HDLBP: variants seen among roughly 807,000 people sequenced by gnomAD.
HDLBP encodes the protein high density lipoprotein binding protein, also known as vigilin.
HDLBP carries 30 observed loss-of-function variants against 137.3 expected under a neutral mutation model. That is an observed-to-expected ratio of 0.22 (90% CI 0.16 to 0.30). The LOEUF (loss-of-function observed/expected upper bound fraction) is 0.30. Among genes scored for constraint, HDLBP ranks in the 10% least tolerant of loss-of-function variants. HDLBP has a pLI of 1.00. For missense variants in HDLBP, 1,119 were observed against 1,667.3 expected (o/e 0.67, Z 5.73); for synonymous variants, 606 against 596.0 (o/e 1.02, Z -0.24).
chr2:241,251,614 G>A (rs749115798), intron 11 of HDLBP, among the ~76,000 whole-genome samples: 3 of 152,218 alleles, frequency 2.0e-5, no homozygotes, highest in African/African-American at 4.8e-5. Context: ...CACACGCGAC[G>A]TGTGCACTTG....
At chr2:241,270,635 G>A (rs188345434) in intron 1 of HDLBP, among the ~76,000 whole-genome samples, 421 of 152,250 alleles carry the variant, frequency 2.8e-3, no homozygotes, top group Non-Finnish European at 4.7e-3. Context: ...GCACAGCCCA[G>A]GGGTCCACCT....
In HDLBP at chr2:241,230,030, C is replaced by G; in HGVS notation, c.3592-69G>C. On this transcript the variant is annotated intron_variant, in intron 26 of 27. Coordinates refer to ENST00000310931, the MANE Select transcript of HDLBP (RefSeq NM_005336.6). The surrounding 1 kb of genome is among the most constrained non-coding windows in gnomAD (Gnocchi z 5.0). The stretch of plus-strand genomic sequence containing the variant: ...CCCCAGCATCCCGCCCGCCTGCTCA[C>G]CCCTGCACCTCGCCTGCCTCTGGAA... The G allele has an allele frequency of 6.3e-7, 1 of 1,579,368 alleles. No homozygotes were observed. Among genetic ancestry groups the G allele is most frequent in the Non-Finnish European group, 8.6e-7 (1 of 1,160,020 alleles).
intron 1 of HDLBP, among the ~76,000 whole-genome samples, chr2:241,291,177 C>T (rs543490291): frequency 6.6e-6 from 1 of 152,268 alleles, no homozygotes; most frequent in South Asian, 2.1e-4. Context: ...AATAGGTAAG[C>T]GAGTTAATAT....
intron 1 of HDLBP, among the ~76,000 whole-genome samples, chr2:241,281,497 G>T (rs1166481846): frequency 2.0e-5 from 3 of 152,182 alleles, no homozygotes; most frequent in Non-Finnish European, 4.4e-5. Context: ...CTCCAGCCTG[G>T]CTGACCAAGT....
intron 20 of HDLBP, among the ~76,000 whole-genome samples, chr2:241,236,996 G>A (rs1416374148): frequency 1.6e-5 from 2 of 126,164 alleles, no homozygotes; most frequent in African/African-American, 3.1e-5. Flanking sequence ...GGGGGGGGGC[G>A]GCAATGAAGG....
chr2:241,294,904 C>T (rs774504433), intron 1 of HDLBP, among the ~76,000 whole-genome samples: 4 of 152,108 alleles, frequency 2.6e-5, no homozygotes, highest in Non-Finnish European at 4.4e-5. Context: ...AGTTCAAGAC[C>T]AGCCTGGTCA....
chr2:241,273,282 G>A (rs1346454611), intron 1 of HDLBP: 2 of 962,796 alleles, frequency 2.1e-6, no homozygotes, highest in Non-Finnish European at 1.2e-6. Context: ...TCATTCCTGC[G>A]TGCCTATTCC....
At chr2:241,301,358 T>G (rs1230218470) in intron 1 of HDLBP, among the ~76,000 whole-genome samples, 3 of 152,146 alleles carry the variant, frequency 2.0e-5, no homozygotes, top group Non-Finnish European at 2.9e-5. Flanking sequence ...GTTTAAAAAG[T>G]AAATATAATT....
At chr2:241,253,975 C>T (rs776891226) in intron 9 of HDLBP, among the ~76,000 whole-genome samples, 11 of 152,134 alleles carry the variant, frequency 7.2e-5, no homozygotes, top group Non-Finnish European at 1.3e-4. Context: ...CAGACTGGTC[C>T]TTATATGAAG....
intron 5 of HDLBP, among the ~76,000 whole-genome samples, chr2:241,261,825 T>C (rs553608764): frequency 6.6e-6 from 1 of 152,322 alleles, no homozygotes; most frequent in East Asian, 1.9e-4. Context: ...GCCTCCTGGC[T>C]ACACCCTGCA....
chr2:241,307,078 C>CG (rs1167677935), intron 1 of HDLBP, among the ~76,000 whole-genome samples: 4 of 9,890 alleles, frequency 4.0e-4, no homozygotes, highest in Non-Finnish European at 8.7e-4. Flanking sequence ...TTTTGGGGGG[C>CG]GGGGGGGACA....
chr2:241,307,687 T>C (rs938087845), intron 1 of HDLBP, among the ~76,000 whole-genome samples: 3 of 152,190 alleles, frequency 2.0e-5, no homozygotes, highest in African/African-American at 4.8e-5. Flanking sequence ...TTTTAATACA[T>C]GATTTAAATA....
At position 241,247,315 on chromosome 2, in the gene HDLBP, T is replaced by C; in HGVS notation, c.1732-173A>G. The C allele has an allele frequency of 4.9e-6, 3 of 608,302 alleles. No individual in the cohort carries two copies. The East Asian group carries it at 8.3e-5, about 17-fold the overall frequency. 37.7% of individuals were successfully genotyped at this position (608,302 alleles called of 1,614,324 possible). Reference sequence around the variant, plus strand: ...ATAGATCATTTGTCCAACAACTAACTTACGTTGCAAATTACAGTCAATCGA... The same window carrying C: ...ATAGATCATTTGTCCAACAACTAACCTACGTTGCAAATTACAGTCAATCGA... On this transcript the variant is annotated intron_variant, in intron 14 of 27. Coordinates refer to ENST00000310931, the MANE Select transcript of HDLBP (RefSeq NM_005336.6).
chr2:241,310,985 A>C (rs950572301), intron 1 of HDLBP, among the ~76,000 whole-genome samples: 3 of 152,104 alleles, frequency 2.0e-5, no homozygotes, highest in African/African-American at 7.2e-5. Context: ...GTGGCGGTGC[A>C]TGCCTGTAGT....
Position 241,247,045 on chromosome 2 carries a change from C to G in HDLBP, c.1818+11G>C, listed in dbSNP as rs2071739567. ...GCAAGAAGAAGCAAGATGCAGCGGA[C>G]AAGTTATCACCTTTTTAATGTTTGC... On this transcript the variant is annotated intron_variant, in intron 15 of 27. Coordinates refer to ENST00000310931, the MANE Select transcript of HDLBP (RefSeq NM_005336.6). 6.2e-7 allele frequency: 1 copy of G among 1,604,864 alleles called. No individual in the cohort carries two copies. The highest frequency in any genetic ancestry group is 1.1e-5 in the South Asian group (1 of 90,890).
At chr2:241,262,192 T>C (rs1044205826) in intron 5 of HDLBP, among the ~76,000 whole-genome samples, 1 of 152,248 alleles carries the variant, frequency 6.6e-6, no homozygotes, top group African/African-American at 2.4e-5. Flanking sequence ...TGGAAATGTG[T>C]AGTTAGTGAA....
At chr2:241,266,539 A>C in intron 3 of HDLBP, 1 of 466,012 alleles carries the variant, frequency 2.1e-6, no homozygotes, top group East Asian at 3.7e-5. Flanking sequence ...TTAATTACCA[A>C]TGGTCAAATT....
In HDLBP at chr2:241,266,808, G is replaced by A. The variant is rs766397299; in HGVS notation, c.62C>T (p.Pro21Leu). Residue 21 changes from proline to leucine, a missense_variant, in exon 3 of 28, where the codon CCG becomes CTG. Pro to Leu is a moderately conservative substitution (Grantham distance 98). Transcript: ENST00000310931. ...AGGGCTGTCACCTTTGATTTGTTGC[G>A]GAACCAGCCCACTTCGGTGTTCAGC... ...SFAEHRSGLV[P>L]QQIKVATLNS... The A allele has an allele frequency of 4.3e-6, 7 of 1,610,794 alleles. No individual in the cohort carries two copies. The highest frequency in any genetic ancestry group is 1.3e-5 in the African/African-American group (1 of 74,828).
chr2:241,311,364 C>A (rs1339399575), intron 1 of HDLBP, among the ~76,000 whole-genome samples: 1 of 152,132 alleles, frequency 6.6e-6, no homozygotes, highest in Non-Finnish European at 1.5e-5. Context: ...ACTTCATCTG[C>A]CATGCACTTC....
Sources: allele counts gnomAD v4.1 joint callset (sites outside exome capture counted in the v4.1 genomes callset), GRCh38; gene constraint gnomAD v4.1.1; non-coding constraint Gnocchi (gnomAD v3.1); transcripts MANE v1.5; gene names NCBI Gene and HGNC (gene_info 2026-07-23, HGNC 2026-07-21).